The following HOOK3 variants were observed in gnomAD, a reference collection of about 807,000 sequenced individuals.
The protein encoded by HOOK3 is protein Hook homolog 3.
Under a neutral mutation model 116.3 loss-of-function variants are expected in HOOK3, and 24 were observed. The ratio of observed to expected loss-of-function variants is 0.21; its 90% CI spans 0.15 to 0.29. The LOEUF is 0.29. HOOK3 is among the 10% of genes least tolerant of loss of function. The pLI is 1.00. For synonymous variants in HOOK3, 275 were observed against 283.0 expected, an observed-to-expected ratio of 0.97 and a Z score of 0.28; for missense variants, 632 against 830.2, an observed-to-expected ratio of 0.76 and a Z score of 2.93.
chr8:42,976,811 G>A (rs1808838885), intron 13 of HOOK3, among the ~76,000 whole-genome samples: 1 of 152,098 alleles, frequency 6.6e-6, no homozygotes, highest in African/African-American at 2.4e-5. Context: ...GCATGAGAAT[G>A]GCGTGAACCC....
intron 6 of HOOK3, among the ~76,000 whole-genome samples, chr8:42,951,354 G>A (rs976542785): frequency 3.3e-5 from 5 of 152,132 alleles, no homozygotes; most frequent in Admixed American, 3.3e-4. Context: ...GAGCCACGGC[G>A]CCCGGCCAAA....
chr8:42,947,813 A>G (rs186890221), intron 5 of HOOK3, among the ~76,000 whole-genome samples: 108 of 152,136 alleles, frequency 7.1e-4, no homozygotes, highest in African/African-American at 2.4e-3. Flanking sequence ...ATAAGGATGT[A>G]AAAGCTGGTT....
At chr8:42,966,348 C>T in intron 9 of HOOK3, 125 bp from the exon 10 acceptor site, 1 of 919,230 alleles carries the variant, frequency 1.1e-6, no homozygotes, top group Non-Finnish European at 1.6e-6. Context: ...AGCTTGTGGC[C>T]ACTAACATGG....
At position 43,008,663 on chromosome 8, in the gene HOOK3, A is replaced by ATT. The variant is rs546007965; in HGVS notation, c.1738+747_1738+748dup. Among the ~76,000 whole-genome samples the ATT allele has an allele frequency of 6.1e-5, 8 of 131,454 alleles. No homozygotes were observed. In the South Asian group the frequency reaches 7.2e-4, roughly 12 times the overall value. The allele number at this position is 131,454 out of a possible 152,430, so 86.2% of individuals were successfully genotyped here. On this transcript the variant is annotated intron_variant, in intron 18 of 21. Transcript: ENST00000307602. ...TATTTTTATTTTTATTTTTATTTTT[A>ATT]TTTTTTTTTTTTTTGAGACGGAGTC... is the stretch of plus-strand genomic sequence containing the variant.
intron 7 of HOOK3, among the ~76,000 whole-genome samples, 157 bp from the exon 8 acceptor site, chr8:42,959,074 C>T (rs1369003953): frequency 6.6e-6 from 1 of 152,110 alleles, no homozygotes; most frequent in African/African-American, 2.4e-5. Context: ...GTTAAAAGTG[C>T]TGTGTTTGTA....
At chr8:42,980,517 C>A (rs1184839114) in intron 13 of HOOK3, among the ~76,000 whole-genome samples, 1 of 152,042 alleles carries the variant, frequency 6.6e-6, no homozygotes, top group African/African-American at 2.4e-5. Flanking sequence ...ACTCTGCCCT[C>A]AGGGATGGAT....
chr8:42,949,914 TAAA>T (rs780185216), intron 5 of HOOK3, among the ~76,000 whole-genome samples: 3 of 123,102 alleles, frequency 2.4e-5, no homozygotes, highest in African/African-American at 3.0e-5. Flanking sequence ...AGACTCTGTC[TAAA>T]AAAAAAAAAA....
chr8:42,980,464 G>A (rs1407401096), intron 13 of HOOK3, among the ~76,000 whole-genome samples: 1 of 152,148 alleles, frequency 6.6e-6, no homozygotes, highest in Non-Finnish European at 1.5e-5. Flanking sequence ...CAATGTGGTA[G>A]TTTTGAGAGG....
At chr8:42,989,091 G>A (rs764496263) in intron 15 of HOOK3, among the ~76,000 whole-genome samples, 1 of 152,160 alleles carries the variant, frequency 6.6e-6, no homozygotes, top group Admixed American at 6.5e-5. Flanking sequence ...GCACTTTAGT[G>A]TATCTGTAAT....
At chr8:43,009,774 T>C (rs1397480520) in intron 18 of HOOK3, among the ~76,000 whole-genome samples, 2 of 152,198 alleles carry the variant, frequency 1.3e-5, no homozygotes, top group South Asian at 2.1e-4. Flanking sequence ...TACAAAACTG[T>C]ATCATCTCAA....
chr8:42,960,789 C>T (rs1297582164), intron 8 of HOOK3, among the ~76,000 whole-genome samples: 2 of 152,188 alleles, frequency 1.3e-5, no homozygotes, highest in Non-Finnish European at 2.9e-5. Context: ...GGAAGGCCTT[C>T]CATGGTTGAG....
In HOOK3 at chr8:42,897,077, G is replaced by A; in HGVS notation, c.-55G>A. 1.6e-6 allele frequency: 2 copies of A among 1,220,010 alleles called. No individual in the cohort carries two copies. Among genetic ancestry groups the A allele is most frequent in the Middle Eastern group, 2.3e-4 (1 of 4,438 alleles). 75.6% of individuals were successfully genotyped at this position (1,220,010 alleles called of 1,614,324 possible). A position where few individuals can be genotyped will look rare whatever the true frequency, so the allele number is the denominator to read the frequency against. ...GCGCGGGCCCCCGGATCCCCCGACA[G>A]AGCGGCGGCGGTGTCTGGCCAGGCG... On this transcript the variant is annotated 5_prime_UTR_variant, in exon 1 of 22. Transcript: ENST00000307602.
At chr8:43,010,263 ATAT>A (rs1018390612) in intron 18 of HOOK3, 39 bp from the exon 19 acceptor site, 1 of 430,226 alleles carries the variant, frequency 2.3e-6, no homozygotes, top group Non-Finnish European at 3.6e-6. Context: ...CAATTTATAT[ATAT>A]TATCTAAATA....
intron 16 of HOOK3, among the ~76,000 whole-genome samples, chr8:42,998,635 G>A (rs1177825388): frequency 6.6e-6 from 1 of 151,552 alleles, no homozygotes; most frequent in African/African-American, 2.4e-5. Flanking sequence ...GCTCATCCAT[G>A]GCCTAGCTTA....
intron 15 of HOOK3, among the ~76,000 whole-genome samples, chr8:42,996,043 G>A (rs1809258392): frequency 6.6e-6 from 1 of 152,130 alleles, no homozygotes. Flanking sequence ...GACCTTGGGA[G>A]GTAAGCTGGT....
At chr8:42,921,174 T>C (rs937701532) in intron 2 of HOOK3, among the ~76,000 whole-genome samples, 6 of 152,100 alleles carry the variant, frequency 3.9e-5, no homozygotes, top group Admixed American at 2.6e-4. Context: ...TTTTTTTTTT[T>C]TAAAGTAAGG....
chr8:42,930,847 A>C (rs1351142269), intron 4 of HOOK3, among the ~76,000 whole-genome samples: 2 of 152,164 alleles, frequency 1.3e-5, no homozygotes, highest in Non-Finnish European at 2.9e-5. Context: ...CCCATTAGTC[A>C]AACCTTCAAA....
At chr8:42,996,885 G>A (rs1204412930) in intron 15 of HOOK3, among the ~76,000 whole-genome samples, 2 of 148,916 alleles carry the variant, frequency 1.3e-5, no homozygotes, top group East Asian at 1.9e-4. Flanking sequence ...ATTCCGTGAG[G>A]GCAGGGATCT....
rs1473033550 is a variant in HOOK3 at position 43,030,200 on chromosome 8, A to T, written c.*11702A>T. The T allele has an allele frequency of 5.0e-6, 1 of 200,130 alleles. No individual in the cohort carries two copies. Among genetic ancestry groups the T allele is most frequent in the African/African-American group, 2.3e-5 (1 of 43,510 alleles). The allele number at this position is 200,130 out of a possible 1,614,324, so 12.4% of individuals were successfully genotyped here. A position where few individuals can be genotyped will look rare whatever the true frequency, so the allele number is the denominator to read the frequency against. On this transcript the variant is annotated 3_prime_UTR_variant, in exon 22 of 22. Coordinates refer to ENST00000307602, the MANE Select transcript of HOOK3 (RefSeq NM_032410.4). ...GTTTTCTGGCTGTTTTTCTGAGGTGAATGACTTGTTACAGAGCCTCAGTAA... is the reference window on the plus strand; with the variant it reads ...GTTTTCTGGCTGTTTTTCTGAGGTGTATGACTTGTTACAGAGCCTCAGTAA...
Sources: allele counts gnomAD v4.1 joint callset (sites outside exome capture counted in the v4.1 genomes callset), GRCh38; gene constraint gnomAD v4.1.1; transcripts MANE v1.5; gene names NCBI Gene and HGNC (gene_info 2026-07-23, HGNC 2026-07-21).